Variants in PLXNA4 observed in about 807,000 individuals in gnomAD.
PLXNA4 encodes plexin A4, also known as plexin-A4.
Under a neutral mutation model 191.8 loss-of-function variants are expected in PLXNA4, and 44 were observed. The observed-to-expected ratio is 0.23, with a 90% CI of 0.18 to 0.29. The LOEUF (loss-of-function observed/expected upper bound fraction) is 0.29, where lower values mean the gene tolerates loss of function less well. Among genes scored for constraint, PLXNA4 ranks in the 10% least tolerant of loss-of-function variants. PLXNA4 has a pLI of 1.00. For missense variants in PLXNA4, 1,800 were observed against 2,488.8 expected (o/e 0.72, Z 5.89); for synonymous variants, 1,082 against 1,009.5 (o/e 1.07, Z -1.36).
intron 29 of PLXNA4, 115 bp from the exon 30 acceptor site, chr7:132,140,926 G>C (rs1795249780): frequency 6.7e-7 from 1 of 1,500,914 alleles, no homozygotes; most frequent in Admixed American, 2.3e-5. Context: ...GAACTTAAGA[G>C]CCTTCTCTAT....
At chr7:132,460,669 G>A (rs1796473626) in intron 3 of PLXNA4, among the ~76,000 whole-genome samples, 1 of 152,134 alleles carries the variant, frequency 6.6e-6, no homozygotes, top group Admixed American at 6.6e-5. Context: ...AGTATATGTG[G>A]TCACAGCCTC....
At chr7:132,585,679 G>T (rs191070744) in intron 2 of PLXNA4, among the ~76,000 whole-genome samples, 1 of 152,270 alleles carries the variant, frequency 6.6e-6, no homozygotes, top group East Asian at 1.9e-4. Flanking sequence ...TGAGATGAGG[G>T]TGCCAGCATG....
chr7:132,525,344 G>T (rs935233114), intron 1 of PLXNA4, among the ~76,000 whole-genome samples: 2 of 152,136 alleles, frequency 1.3e-5, no homozygotes, highest in African/African-American at 2.4e-5. Flanking sequence ...CTAACACTTG[G>T]ACTCAAACAA....
chr7:132,592,139 A>T (rs1802614309), intron 2 of PLXNA4, among the ~76,000 whole-genome samples: 1 of 152,198 alleles, frequency 6.6e-6, no homozygotes, highest in Admixed American at 6.5e-5. Flanking sequence ...TCTCTGTGCA[A>T]TTCATTTCTC....
intron 1 of PLXNA4, among the ~76,000 whole-genome samples, chr7:132,530,763 A>C (rs1222897286): frequency 1.3e-5 from 2 of 152,264 alleles, no homozygotes; most frequent in Non-Finnish European, 2.9e-5. Flanking sequence ...ACAGAAATTC[A>C]GACAGATATT....
intron 3 of PLXNA4, among the ~76,000 whole-genome samples, chr7:132,394,716 G>A (rs1793675799): frequency 6.6e-6 from 1 of 152,218 alleles, no homozygotes; most frequent in Non-Finnish European, 1.5e-5. Context: ...GACCCAGGAA[G>A]AAATCATGAG....
At chr7:132,478,844 C>T (rs1374356239) in intron 3 of PLXNA4, among the ~76,000 whole-genome samples, 4 of 152,254 alleles carry the variant, frequency 2.6e-5, no homozygotes, top group Non-Finnish European at 4.4e-5. Flanking sequence ...CCCCAGAATA[C>T]TCATATCTTG....
chr7:132,162,974 A>G (rs115645979), intron 24 of PLXNA4, among the ~76,000 whole-genome samples: 139 of 152,246 alleles, frequency 9.1e-4, no homozygotes, highest in African/African-American at 3.2e-3. Context: ...ACTCCCTCCC[A>G]GTACTACAAT....
chr7:132,312,346 A>C (rs1008673028), intron 3 of PLXNA4, among the ~76,000 whole-genome samples: 13 of 152,022 alleles, frequency 8.6e-5, no homozygotes, highest in African/African-American at 2.9e-4. Flanking sequence ...TAAACTATTG[A>C]TCTCCCAGCT....
At chr7:132,594,987 AGATAG>A (rs1563189748) in intron 2 of PLXNA4, among the ~76,000 whole-genome samples, 1 of 48,192 alleles carries the variant, frequency 2.1e-5, no homozygotes, top group Non-Finnish European at 5.0e-5. Flanking sequence ...ATAGATAGAT[AGATAG>A]ATAGATAGAT....
chr7:132,480,433 G>A (rs73444821), intron 3 of PLXNA4, among the ~76,000 whole-genome samples: 3,987 of 152,284 alleles, frequency 0.026, 128 homozygotes, highest in African/African-American at 0.074. Flanking sequence ...TTAGGAAGAA[G>A]CTGTCATCCT....
At chr7:132,455,779 C>G (rs1731708614) in intron 3 of PLXNA4, among the ~76,000 whole-genome samples, 1 of 152,108 alleles carries the variant, frequency 6.6e-6, no homozygotes, top group South Asian at 2.1e-4. Flanking sequence ...CCAGATGGTC[C>G]TCAGCCAGTC....
chr7:132,615,516 T>C (rs888275976), intron 2 of PLXNA4, among the ~76,000 whole-genome samples: 2 of 152,206 alleles, frequency 1.3e-5, no homozygotes, highest in African/African-American at 2.4e-5. Context: ...CTGAGGGCTC[T>C]GGACGCAACG....
intron 21 of PLXNA4, among the ~76,000 whole-genome samples, chr7:132,172,096 C>A (rs73499337): frequency 0.063 from 9,618 of 152,166 alleles, 431 homozygotes; most frequent in Non-Finnish European, 0.078. Context: ...GTGTCTTGGT[C>A]AGGAGTGTCC....
upstream of PLXNA4, among the ~76,000 whole-genome samples, chr7:132,579,465 G>A (rs10954384): frequency 0.41 from 62,020 of 150,798 alleles, 14,459 homozygotes; most frequent in South Asian, 0.62. Flanking sequence ...GCGTGTGTGT[G>A]TGAATATGGC....
chr7:132,181,455 G>A lies in PLXNA4; in HGVS notation c.3418C>T (p.Pro1140Ser), dbSNP rs267601289. Residue 1140 changes from proline to serine, a missense_variant, in exon 18 of 32, where the codon CCC (proline) becomes TCC (serine). Around this residue, in one of 6 missense-constraint regions of PLXNA4, gnomAD observed 1,397 missense variants for 1,880.4 expected, o/e 0.74. Transcript: ENST00000321063. ...ILNKTNFTYYPNPVFEAFGPS... is the reference protein window; with the variant it reads ...ILNKTNFTYYSNPVFEAFGPS... The stretch of plus-strand genomic sequence containing the variant: ...CCAAAGGCCTCAAACACCGGGTTGG[G>A]ATAGTAGGTGAAGTTGGTCTTGTTG... The A allele has an allele frequency of 1.9e-6, 3 of 1,614,172 alleles. No homozygotes were observed. Among genetic ancestry groups the A allele is most frequent in the Non-Finnish European group, 2.5e-6 (3 of 1,180,040 alleles).
At position 132,132,437 on chromosome 7, in the gene PLXNA4, G is replaced by A. The variant is rs541765767; in HGVS notation, c.5589+612C>T. On this transcript the variant is annotated intron_variant, in intron 31 of 31. Coordinates refer to ENST00000321063, the MANE Select transcript of PLXNA4 (RefSeq NM_020911.2). ...GTTCTGTTCTGTTCTGTTCTGTTCT[G>A]TTCTGTTCTGTTCTGTTCTGTTCTG... Among the ~76,000 whole-genome samples, 150 of 74,082 alleles carry A rather than the reference G, an allele frequency of 2.0e-3. 2 individuals carry two copies. The highest frequency in any genetic ancestry group is 9.5e-3 in the Admixed American group (49 of 5,148). 48.6% of individuals were successfully genotyped at this position (74,082 alleles called of 152,430 possible).
intron 2 of PLXNA4, among the ~76,000 whole-genome samples, chr7:132,500,132 A>G (rs1426142518): frequency 6.6e-6 from 1 of 152,204 alleles, no homozygotes; most frequent in East Asian, 1.9e-4. Flanking sequence ...CTGGCCCAAA[A>G]TGTGTCTTGT....
In PLXNA4 at chr7:132,531,998, G is replaced by T. The variant is rs373292718; in HGVS notation, c.-86-23219C>A. 8.4e-4 allele frequency among the ~76,000 whole-genome samples: 128 copies of T among 152,282 alleles called. 5 individuals carry two copies. In the South Asian group the frequency reaches 0.026, roughly 31 times the overall value. ...ATTGTAAATCCTAGAACCACAAAAG[G>T]GGTTAGTTATTGGCTGGGCCTAGAG... is the stretch of plus-strand genomic sequence containing the variant. On this transcript the variant is annotated intron_variant, in intron 1 of 31. Coordinates refer to ENST00000321063, the MANE Select transcript of PLXNA4 (RefSeq NM_020911.2).
Sources: allele counts gnomAD v4.1 joint callset (sites outside exome capture counted in the v4.1 genomes callset), GRCh38; gene constraint gnomAD v4.1.1; regional missense constraint gnomAD v4.1.1; transcripts MANE v1.5; gene names NCBI Gene and HGNC (gene_info 2026-07-23, HGNC 2026-07-21).